Variants in PIGN observed in about 807,000 individuals in gnomAD.
PIGN encodes GPI ethanolamine phosphate transferase 1.
A neutral mutation model predicts 125.4 loss-of-function variants in PIGN; 117 were observed. That is an observed-to-expected ratio of 0.93 (90% CI 0.80 to 1.09). The LOEUF (loss-of-function observed/expected upper bound fraction) is 1.09, where lower values mean the gene tolerates loss of function less well. PIGN is among the 50% of genes least tolerant of loss of function. PIGN has a pLI of 0.00. For synonymous variants in PIGN, 392 were observed against 377.8 expected, an observed-to-expected ratio of 1.04 and a Z score of -0.44; for missense variants, 1,075 against 1,094.9, an observed-to-expected ratio of 0.98 and a Z score of 0.26.
At chr18:62,131,541 G>A (rs1476433693) in intron 14 of PIGN, among the ~76,000 whole-genome samples, 1 of 152,110 alleles carries the variant, frequency 6.6e-6, no homozygotes, top group Non-Finnish European at 1.5e-5. Context: ...ACCAGGGTCT[G>A]CCAGACCCAA....
At chr18:62,075,713 A>G (rs1018870610) in intron 28 of PIGN, 2 of 152,212 alleles carry the variant, frequency 1.3e-5, no homozygotes, top group Non-Finnish European at 2.9e-5. Context: ...TCTCTAGGAA[A>G]ATACATCAAG....
intron 6 of PIGN, among the ~76,000 whole-genome samples, chr18:62,155,886 T>C (rs1485116456): frequency 2.0e-5 from 3 of 152,222 alleles, no homozygotes; most frequent in Non-Finnish European, 4.4e-5. Context: ...AATATATAAA[T>C]GGCAAACAGT....
rs926919740 is a variant in PIGN at position 62,132,228 on chromosome 18, G to GA, written c.1172+6014dup. On this transcript the variant is annotated intron_variant, in intron 14 of 30. Transcript: ENST00000640252. Reference sequence around the variant, plus strand: ...AAAAAGAAATATATGATGTTAATGTGAAAAAAACCCACTGGACTAAAGAAA... The same window carrying GA: ...AAAAAGAAATATATGATGTTAATGTGAAAAAAAACCCACTGGACTAAAGAAA... Among the ~76,000 whole-genome samples the GA allele has an allele frequency of 1.2e-4, 19 of 152,006 alleles. No individual in the cohort carries two copies. In the South Asian group the frequency reaches 1.9e-3, roughly 15 times the overall value.
Position 62,138,225 on chromosome 18 carries a change from A to AT in PIGN, c.1172+17_1172+18insA. 1 of 1,541,018 alleles carries AT rather than the reference A, an allele frequency of 6.5e-7. No individual in the cohort carries two copies. The highest frequency in any genetic ancestry group is 2.1e-5 in the Admixed American group (1 of 48,344). On this transcript the variant is annotated intron_variant, in intron 14 of 30. Transcript: ENST00000640252. Reference sequence around the variant, plus strand: ...AAATTCTTTCCTTCAAGTTAATAAAAAAATGTAAGGGACTTACTTAAATGG... The same window carrying AT: ...AAATTCTTTCCTTCAAGTTAATAAAATAAATGTAAGGGACTTACTTAAATGG...
At chr18:62,178,061 T>C (rs1027917605) in intron 1 of PIGN, among the ~76,000 whole-genome samples, 2 of 152,060 alleles carry the variant, frequency 1.3e-5, no homozygotes, top group Non-Finnish European at 2.9e-5. Flanking sequence ...AGCCTCTACA[T>C]TGGTCACTCA....
intron 1 of PIGN, chr18:62,184,500 G>T (rs2037827138): frequency 6.6e-6 from 1 of 152,104 alleles, no homozygotes; most frequent in African/African-American, 2.4e-5. Context: ...TCTGTGTATT[G>T]TGGAAAAGAA....
At position 62,113,045 on chromosome 18, in the gene PIGN, T is replaced by C. The variant is rs1036007004; in HGVS notation, c.1434+89A>G. 4 of 941,888 alleles carry C rather than the reference T, an allele frequency of 4.2e-6. No individual in the cohort carries two copies. The African/African-American group carries it at 6.7e-5, about 16-fold the overall frequency. 58.3% of individuals were successfully genotyped at this position (941,888 alleles called of 1,614,324 possible). On this transcript the variant is annotated intron_variant, in intron 16 of 30. Coordinates refer to ENST00000640252, the MANE Select transcript of PIGN (RefSeq NM_176787.5). The stretch of plus-strand genomic sequence containing the variant: ...ATAAACAAGAGTTAGCTTAGAACAA[T>C]GACTTGCACATCCTATAAACTCATT...
At chr18:62,149,655 G>C (rs550684140) in intron 7 of PIGN, among the ~76,000 whole-genome samples, 5 of 152,108 alleles carry the variant, frequency 3.3e-5, no homozygotes, top group Non-Finnish European at 7.4e-5. Flanking sequence ...TAATTCAGTA[G>C]GAAAGAAGGT....
At chr18:62,085,118 A>G in intron 26 of PIGN, 91 bp downstream of exon 26, 1 of 767,346 alleles carries the variant, frequency 1.3e-6, no homozygotes, top group Non-Finnish European at 2.1e-6. Flanking sequence ...AAAAAGAAAA[A>G]AAAATAATAA....
At chr18:62,144,212 C>T (rs1231198062) in intron 10 of PIGN, among the ~76,000 whole-genome samples, 1 of 152,046 alleles carries the variant, frequency 6.6e-6, no homozygotes, top group Non-Finnish European at 1.5e-5. Context: ...AATCAAATGC[C>T]AAAATAAAGT....
intron 23 of PIGN, among the ~76,000 whole-genome samples, chr18:62,027,471 A>G (rs1015663816): frequency 6.6e-6 from 1 of 152,336 alleles, no homozygotes; most frequent in African/African-American, 2.4e-5. Flanking sequence ...TAAGATGAAC[A>G]TTGGTTCAGT....
intron 23 of PIGN, among the ~76,000 whole-genome samples, chr18:62,023,561 A>G (rs1007102574): frequency 1.3e-5 from 2 of 152,210 alleles, no homozygotes; most frequent in Admixed American, 6.5e-5. Flanking sequence ...AAGCCTCTCA[A>G]TGGTGGCTGT....
chr18:62,033,111 A>G lies in PIGN; in HGVS notation c.2143-15370T>C, dbSNP rs114860842. On this transcript the variant is annotated intron_variant, in intron 23 of 24. Coordinates refer to the PIGN transcript ENST00000639600. ...AGGAACATCATTGCAGTTTCCTTGG[A>G]TGCCATAGCTAGTGTCTGCCCCAGC... Among the ~76,000 whole-genome samples the G allele has an allele frequency of 9.6e-4, 147 of 152,340 alleles. 1 individual carries two copies. The highest frequency in any genetic ancestry group is 3.4e-3 in the African/African-American group (143 of 41,584).
chr18:62,108,597 AT>A (rs5825477), intron 17 of PIGN, among the ~76,000 whole-genome samples: 36,061 of 148,982 alleles, frequency 0.24, 4,388 homozygotes, highest in Non-Finnish European at 0.27. Flanking sequence ...TTTTAAGTTA[AT>A]TTTTTTTTTT....
chr18:62,111,587 C>T (rs2034883087), intron 16 of PIGN, among the ~76,000 whole-genome samples: 1 of 152,100 alleles, frequency 6.6e-6, no homozygotes, highest in Non-Finnish European at 1.5e-5. Flanking sequence ...TATATGTGTA[C>T]ATCTCTTACC....
Position 62,107,027 on chromosome 18 carries a change from CA to C in PIGN, c.1632del (p.Phe544LeufsTer6). 2 of 1,591,568 alleles carry C rather than the reference CA, an allele frequency of 1.3e-6. No individual in the cohort carries two copies. The highest frequency in any genetic ancestry group is 8.6e-7 in the Non-Finnish European group (1 of 1,168,654). Reference sequence around the variant, plus strand: ...AGGGTAAAGGCTAACAGGTACCCAACAAAATGGCTCAGAGGATAGGTCAACA... The same window carrying C: ...AGGGTAAAGGCTAACAGGTACCCAACAAATGGCTCAGAGGATAGGTCAACA... Reference protein sequence around the residue: ...VSVLTYPLSHFVGYLLAFTLG... With the variant: ...VSVLTYPLSHXVGYLLAFTLG... On this transcript the variant is annotated frameshift_variant, in exon 18 of 31. Coordinates refer to ENST00000640252, the MANE Select transcript of PIGN (RefSeq NM_176787.5). LOFTEE classifies it high-confidence loss of function.
At chr18:62,048,026 A>G (rs1272425475) in intron 30 of PIGN, among the ~76,000 whole-genome samples, 1 of 152,234 alleles carries the variant, frequency 6.6e-6, no homozygotes, top group Admixed American at 6.5e-5. Flanking sequence ...GAAGCAAATA[A>G]AGAAGTCTAG....
At position 62,148,222 on chromosome 18, in the gene PIGN, T is replaced by A; in HGVS notation, c.666A>T (p.Pro222=). ...ACACAATATTAAATTACCTCGAGGA[T>A]GGTCGATGAGCATGTCCGTTTGTAT... ...GIDTNGHAHR[P]SSRDYKHNIK... is the part of the protein sequence containing the mutation. Residue 222 remains proline, a synonymous_variant, in exon 8 of 31, where the codon CCA becomes CCT. Transcript: ENST00000640252. 1 of 1,536,480 alleles carries A rather than the reference T, an allele frequency of 6.5e-7. No homozygotes were observed. The highest frequency in any genetic ancestry group is 2.5e-5 in the East Asian group (1 of 40,650).
intron 14 of PIGN, among the ~76,000 whole-genome samples, chr18:62,117,972 C>T (rs942528889): frequency 7.9e-5 from 12 of 152,100 alleles, no homozygotes; most frequent in Middle Eastern, 6.8e-3. Flanking sequence ...TTCTTTATCC[C>T]TTAATCCACT....
Sources: gnomAD v4.1 joint callset for allele counts (sites outside exome capture counted in the v4.1 genomes callset) on GRCh38, gnomAD v4.1.1 for gene constraint, MANE v1.5 for transcripts, NCBI Gene and HGNC (gene_info 2026-07-23, HGNC 2026-07-21) for gene names.